Variants in KIF20B observed in about 807,000 individuals in gnomAD.
KIF20B encodes the protein kinesin-like protein KIF20B.
A neutral mutation model predicts 232.5 loss-of-function variants in KIF20B; 188 were observed. The ratio of observed to expected loss-of-function variants is 0.81; its 90% CI spans 0.72 to 0.91. The LOEUF is 0.91. Among genes scored for constraint, KIF20B ranks in the 40% least tolerant of loss-of-function variants. KIF20B has a pLI of 0.00. For synonymous variants in KIF20B, 712 were observed against 683.0 expected, an observed-to-expected ratio of 1.04 and a Z score of -0.66; for missense variants, 2,154 against 2,055.9, an observed-to-expected ratio of 1.05 and a Z score of -0.92.
rs1841765029 is a variant in KIF20B, at chr10:89,740,206, GTCATTTGT to G, written c.3915+1117_3915+1124del. 1.4e-5 allele frequency among the ~76,000 whole-genome samples: 2 copies of G among 142,664 alleles called. 1 individual carries two copies. The highest frequency in any genetic ancestry group is 4.5e-4 in the South Asian group (2 of 4,480). The allele number at this position is 142,664 out of a possible 152,430, so 93.6% of individuals were successfully genotyped here. On this transcript the variant is annotated intron_variant, in intron 21 of 32. Transcript: ENST00000371728. ...CTATCCCAGTTTCTGCTCTGTTGAA[GTCATTTGT>G]TCATTTTAATTGTGCTGTCTTTTTT...
At chr10:89,757,040 G>GTGTGTGTGTGTGTGTATATATA (rs1301847520) in intron 26 of KIF20B, among the ~76,000 whole-genome samples, 37 of 110,744 alleles carry the variant, frequency 3.3e-4, no homozygotes, top group African/African-American at 1.2e-3. Flanking sequence ...GTGTGTGTGT[G>GTGTGTGTGTGTGTGTATATATA]TATATATATA....
At chr10:89,705,464 G>A (rs1554848316) in intron 2 of KIF20B, 23 bp downstream of exon 2, 1 of 1,607,874 alleles carries the variant, frequency 6.2e-7, no homozygotes, top group Non-Finnish European at 8.5e-7. Flanking sequence ...AAAGTATTGT[G>A]TTGATTATCA....
chr10:89,740,044 A>G (rs1256994009), intron 21 of KIF20B, among the ~76,000 whole-genome samples: 1 of 152,166 alleles, frequency 6.6e-6, no homozygotes, highest in Non-Finnish European at 1.5e-5. Context: ...CTTGGTACAC[A>G]TATGCAAAAG....
rs1051979706 is a variant in KIF20B, at chr10:89,737,574, G to A, written c.2733G>A (p.Gln911=). 17 of 1,605,730 alleles carry A rather than the reference G, an allele frequency of 1.1e-5. 1 individual carries two copies. The highest frequency in any genetic ancestry group is 3.4e-5 in the Admixed American group (2 of 58,900). ...AAGAAAAAGCAGAATTAAATAAACA[G>A]ATTGTTCATTTTCAGCAGGAACTTT... ...EKEEKAELNK[Q]IVHFQQELSL... Residue 911 remains glutamine (Q), a synonymous_variant, in exon 20 of 33, where the codon CAG becomes CAA. Transcript: ENST00000371728.
intron 29 of KIF20B, among the ~76,000 whole-genome samples, chr10:89,763,110 G>A (rs1248772254): frequency 6.6e-6 from 1 of 151,930 alleles, no homozygotes; most frequent in Non-Finnish European, 1.5e-5. Context: ...GGTAAAACCC[G>A]TCTCTACTAA....
rs71471138 is a variant in KIF20B at position 89,761,478 on chromosome 10, TA to T, written c.4791+856del. Among the ~76,000 whole-genome samples the T allele has an allele frequency of 1.4e-3, 194 of 143,646 alleles. No individual in the cohort carries two copies. The Middle Eastern group carries it at 0.014, about 11-fold the overall frequency. 94.2% of individuals were successfully genotyped at this position (143,646 alleles called of 152,430 possible). A position where few individuals can be genotyped will look rare whatever the true frequency, so the allele number is the denominator to read the frequency against. On this transcript the variant is annotated intron_variant, in intron 28 of 32. Coordinates refer to ENST00000371728, the MANE Select transcript of KIF20B (RefSeq NM_001284259.2). The stretch of plus-strand genomic sequence containing the variant: ...AGCAGACAATGAGAAGGAAAAGTCT[TA>T]AAAAAAAAAAAAAGAAATGGGGTTT...
intron 6 of KIF20B, among the ~76,000 whole-genome samples, chr10:89,712,188 G>A (rs1842848031): frequency 6.6e-6 from 1 of 151,512 alleles, no homozygotes; most frequent in South Asian, 2.1e-4. Context: ...TTAGTGTATG[G>A]GTTGCAAATT....
intron 19 of KIF20B, among the ~76,000 whole-genome samples, chr10:89,736,575 T>C (rs1841658397): frequency 6.6e-6 from 1 of 152,174 alleles, no homozygotes; most frequent in Non-Finnish European, 1.5e-5. Flanking sequence ...TTTAGTCTCT[T>C]AGCATTATTC....
At chr10:89,757,071 C>CAT (rs1589879752) in intron 26 of KIF20B, among the ~76,000 whole-genome samples, 1 of 76,582 alleles carries the variant, frequency 1.3e-5, no homozygotes, top group East Asian at 7.3e-4. Flanking sequence ...TATATATATA[C>CAT]ACACATGACA....
At chr10:89,732,545 AAG>A in intron 18 of KIF20B, among the ~76,000 whole-genome samples, 1 of 152,330 alleles carries the variant, frequency 6.6e-6, no homozygotes, top group African/African-American at 2.4e-5. Context: ...TATCGACTTA[AAG>A]CTAAGGGCAA....
chr10:89,728,905 TTGTGTGTG>T (rs71022581), intron 17 of KIF20B, among the ~76,000 whole-genome samples: 85 of 138,118 alleles, frequency 6.2e-4, no homozygotes, highest in East Asian at 1.0e-3. Context: ...TCTTTTTTCT[TTGTGTGTG>T]TGTGTGTGTG....
At chr10:89,708,288 C>T (rs918594265) in intron 2 of KIF20B, among the ~76,000 whole-genome samples, 28 of 151,954 alleles carry the variant, frequency 1.8e-4, no homozygotes, top group Admixed American at 4.6e-4. Flanking sequence ...CTTGGCTCAC[C>T]GCAATCTCTG....
At chr10:89,744,081 A>G (rs1841861797) in intron 22 of KIF20B, among the ~76,000 whole-genome samples, 154 bp downstream of exon 22, 1 of 152,148 alleles carries the variant, frequency 6.6e-6, no homozygotes, top group African/African-American at 2.4e-5. Context: ...CAAAAAAGAA[A>G]AAAAAAAGAT....
At chr10:89,712,151 T>G (rs189081302) in intron 6 of KIF20B, among the ~76,000 whole-genome samples, 28 of 152,228 alleles carry the variant, frequency 1.8e-4, no homozygotes, top group African/African-American at 6.5e-4. Flanking sequence ...AAAATGTATT[T>G]AAAAAAATGA....
chr10:89,741,585 C>T (rs1841795989), intron 21 of KIF20B, among the ~76,000 whole-genome samples: 3 of 152,164 alleles, frequency 2.0e-5, no homozygotes, highest in South Asian at 4.1e-4. Flanking sequence ...CACACAATAT[C>T]GGGTATAGAC....
At chr10:89,712,167 TTATTAATG>T (rs1292537370) in intron 6 of KIF20B, among the ~76,000 whole-genome samples, 2 of 152,150 alleles carry the variant, frequency 1.3e-5, no homozygotes, top group Admixed American at 1.3e-4. Flanking sequence ...AATGAATACA[TTATTAATG>T]TATTAGTGTA....
intron 27 of KIF20B, among the ~76,000 whole-genome samples, chr10:89,760,232 G>A (rs1461280479): frequency 6.6e-6 from 1 of 152,136 alleles, no homozygotes; most frequent in Non-Finnish European, 1.5e-5. Flanking sequence ...TACCTGCAGA[G>A]TTGCGATGAA....
At chr10:89,757,447 C>A (rs1345713527) in intron 26 of KIF20B, among the ~76,000 whole-genome samples, 2 of 151,646 alleles carry the variant, frequency 1.3e-5, no homozygotes, top group Non-Finnish European at 2.9e-5. Flanking sequence ...TTTCTTACTG[C>A]CTTTTTATGA....
intron 27 of KIF20B, among the ~76,000 whole-genome samples, chr10:89,759,927 A>T (rs1842202781): frequency 6.6e-6 from 1 of 152,154 alleles, no homozygotes; most frequent in African/African-American, 2.4e-5. Flanking sequence ...TTAAAAATGT[A>T]ATCTATTTCT....
Sources: gnomAD v4.1 joint callset for allele counts (sites outside exome capture counted in the v4.1 genomes callset) on GRCh38, gnomAD v4.1.1 for gene constraint, MANE v1.5 for transcripts, NCBI Gene and HGNC (gene_info 2026-07-23, HGNC 2026-07-21) for gene names.